C9orf72: variants seen among roughly 807,000 people sequenced by gnomAD.
C9orf72 encodes guanine nucleotide exchange factor C9orf72.
A neutral mutation model predicts 51.6 loss-of-function variants in C9orf72; 44 were observed. That is an observed-to-expected ratio of 0.85 (90% CI 0.67 to 1.10). The LOEUF is 1.10. Ranked by LOEUF, C9orf72 falls within the 50% of genes least tolerant of loss-of-function variation. The pLI is 0.00. For synonymous variants in C9orf72, 213 were observed against 194.2 expected, an observed-to-expected ratio of 1.10 and a Z score of -0.81; for missense variants, 607 against 570.6, an observed-to-expected ratio of 1.06 and a Z score of -0.65.
Position 27,566,810 on chromosome 9 carries a change from T to A in C9orf72, c.311A>T (p.Asn104Ile). Reference protein sequence around the residue: ...IVSLIFDGNWNGDRSTYGLSI... With the variant: ...IVSLIFDGNWIGDRSTYGLSI... ...TAGTCCATATGTGCTGCGATCCCCATTCCAGTTTCCATCAAAGATTAATGA... is the reference window on the plus strand; with the variant it reads ...TAGTCCATATGTGCTGCGATCCCCAATCCAGTTTCCATCAAAGATTAATGA... The change falls in exon 2 of 11, where the codon AAT (asparagine) becomes ATT (isoleucine). Residue 104 changes from asparagine (N) to isoleucine (I), a missense_variant. By Grantham distance (149) the Asn-to-Ile change is moderately radical. Transcript: ENST00000380003. 6.2e-7 allele frequency: 1 copy of A among 1,614,016 alleles called. No homozygotes were observed. The highest frequency in any genetic ancestry group is 1.1e-5 in the South Asian group (1 of 91,074).
intron 9 of C9orf72, among the ~76,000 whole-genome samples, chr9:27,550,133 C>CAT (rs559127338): frequency 1.3e-5 from 2 of 149,518 alleles, no homozygotes; most frequent in Non-Finnish European, 3.0e-5. Context: ...AATATATAAA[C>CAT]ATATATATAT....
chr9:27,562,308 T>A (rs1819368631), intron 4 of C9orf72, 73 bp downstream of exon 4: 2 of 533,282 alleles, frequency 3.8e-6, no homozygotes, highest in South Asian at 1.2e-4. Flanking sequence ...AATTAGAATA[T>A]TAATAATATA....
At chr9:27,555,451 G>A (rs1248409607) in intron 8 of C9orf72, among the ~76,000 whole-genome samples, 1 of 152,028 alleles carries the variant, frequency 6.6e-6, no homozygotes, top group African/African-American at 2.4e-5. Flanking sequence ...TAGATACATA[G>A]GTCAGGCTTA....
At chr9:27,564,153 C>T (rs1293397073) in intron 3 of C9orf72, among the ~76,000 whole-genome samples, 2 of 86,714 alleles carry the variant, frequency 2.3e-5, no homozygotes, top group Non-Finnish European at 4.4e-5. Flanking sequence ...AGCTCAACAA[C>T]ACCAAAAAAA....
At chr9:27,556,426 T>G (rs1819197816) in intron 8 of C9orf72, 135 bp downstream of exon 8, 1 of 627,254 alleles carries the variant, frequency 1.6e-6, no homozygotes, top group Non-Finnish European at 2.8e-6. Context: ...AATGCTTGAT[T>G]AAATGTTTCT....
chr9:27,566,970 GT>G lies in C9orf72; in HGVS notation c.150del (p.Glu50AspfsTer10). ...ATTTCTCCATCACTGAGAAGTACCTGTTCTGTCTTTGGAGCCCAAATGTGCC... is the reference window on the plus strand; with the variant it reads ...ATTTCTCCATCACTGAGAAGTACCTGTCTGTCTTTGGAGCCCAAATGTGCC... The part of the protein sequence containing the change: ...RVRHIWAPKT[E>X]QVLLSDGEIT... On this transcript the variant is annotated frameshift_variant, in exon 2 of 11. Coordinates refer to ENST00000380003, the MANE Select transcript of C9orf72 (RefSeq NM_018325.5). LOFTEE classifies it high-confidence loss of function. 1 of 1,614,118 alleles carries G rather than the reference GT, an allele frequency of 6.2e-7. No homozygotes were observed. The highest frequency in any genetic ancestry group is 8.5e-7 in the Non-Finnish European group (1 of 1,179,958).
intron 1 of C9orf72, among the ~76,000 whole-genome samples, chr9:27,568,065 A>G (rs1363972971): frequency 3.4e-5 from 4 of 117,614 alleles, no homozygotes; most frequent in African/African-American, 1.4e-4. Flanking sequence ...CAACAGAAAT[A>G]CTTTAAAGCC....
chr9:27,569,024 C>G (rs1431093437), intron 1 of C9orf72, among the ~76,000 whole-genome samples: 2 of 151,622 alleles, frequency 1.3e-5, no homozygotes, highest in African/African-American at 4.9e-5. Context: ...GATCCTAATC[C>G]TGTCTATGCC....
intron 7 of C9orf72, among the ~76,000 whole-genome samples, chr9:27,557,765 T>C (rs947482052): frequency 2.6e-5 from 4 of 152,044 alleles, no homozygotes; most frequent in African/African-American, 9.7e-5. Context: ...CAGCACATTA[T>C]TGAAAATGCA....
rs1334402374 is a variant in C9orf72, at chr9:27,548,001, T to C, written c.*235A>G. On this transcript the variant is annotated 3_prime_UTR_variant, in exon 11 of 11. Coordinates refer to ENST00000380003, the MANE Select transcript of C9orf72 (RefSeq NM_018325.5). ...AAAGATAGCAATAATATTTATTATA[T>C]TGTAAACATAGGTCTGTATCCCAAA... 6.2e-6 allele frequency: 2 copies of C among 321,374 alleles called. No individual in the cohort carries two copies. Among genetic ancestry groups the C allele is most frequent in the Non-Finnish European group, 1.1e-5 (2 of 177,994 alleles). 19.9% of individuals were successfully genotyped at this position (321,374 alleles called of 1,614,324 possible).
At position 27,559,324 on chromosome 9, in the gene C9orf72, C is replaced by T. The variant is rs182551786; in HGVS notation, c.739-717G>A. The T allele has an allele frequency of 6.2e-4, 93 of 150,652 alleles. 1 individual carries two copies. Among genetic ancestry groups the T allele is most frequent in the African/African-American group, 2.0e-3 (81 of 41,096 alleles). 9.3% of individuals were successfully genotyped at this position (150,652 alleles called of 1,614,324 possible). On this transcript the variant is annotated intron_variant, in intron 6 of 10. Transcript: ENST00000380003. ...GAGCCTTTCTCCCTTCATAAAGCAG[C>T]TCGGCAGTCACTCTGTGCAACCTAA... is the stretch of plus-strand genomic sequence containing the variant.
intron 1 of C9orf72, among the ~76,000 whole-genome samples, chr9:27,572,979 C>T (rs891273454): frequency 6.6e-6 from 1 of 152,186 alleles, no homozygotes; most frequent in African/African-American, 2.4e-5. Flanking sequence ...CGCATGATCT[C>T]CTCGCCGGCA....
chr9:27,560,121 ATAC>A (rs1300064227), intron 6 of C9orf72, 103 bp downstream of exon 6: 3 of 658,200 alleles, frequency 4.6e-6, no homozygotes, highest in Non-Finnish European at 4.9e-6. Context: ...TTGCCTCCTT[ATAC>A]TACTAGATCA....
Position 27,566,865 on chromosome 9 carries a change from C to A in C9orf72, c.256G>T (p.Val86Phe), listed in dbSNP as rs1023923990. 2 of 1,613,822 alleles carry A rather than the reference C, an allele frequency of 1.2e-6. No individual in the cohort carries two copies. The highest frequency in any genetic ancestry group is 1.7e-6 in the Non-Finnish European group (2 of 1,179,924). Residue 86 changes from valine (V) to phenylalanine (F), a missense_variant, in exon 2 of 11, where the codon GTC becomes TTC. Physicochemically the swap from Val to Phe is conservative, Grantham distance 50. Transcript: ENST00000380003. ...ATAATCACTCCCTTTTCAGACAAGA[C>A]AAAAAACTTTACATCTATAGCACCA... ...ESGAIDVKFFVLSEKGVIIVS... is the reference protein window; with the variant it reads ...ESGAIDVKFFFLSEKGVIIVS...
chr9:27,553,423 T>C (rs1820948471), intron 8 of C9orf72, among the ~76,000 whole-genome samples: 1 of 152,182 alleles, frequency 6.6e-6, no homozygotes, highest in Non-Finnish European at 1.5e-5. Context: ...TACAACCATC[T>C]GATCTTCAAC....
intron 5 of C9orf72, chr9:27,560,595 GTA>G: frequency 1.1e-6 from 1 of 901,538 alleles, no homozygotes; most frequent in Non-Finnish European, 1.4e-6. Flanking sequence ...AAATTGACAT[GTA>G]GAGAGATTAA....
At chr9:27,573,523 C>CGCCACGCCCCGGCCCCGGCCCCG (rs1819643758), upstream of C9orf72, 1 of 142,348 alleles carries the variant, frequency 7.0e-6, no homozygotes, top group Non-Finnish European at 1.6e-5. Context: ...GCCCCGACCA[C>CGCCACGCCCCGGCCCCGGCCCCG]GCCCCGGCCC....
intron 8 of C9orf72, among the ~76,000 whole-genome samples, chr9:27,553,878 T>C (rs12349820): frequency 0.19 from 29,512 of 151,902 alleles, 3,098 homozygotes; most frequent in Non-Finnish European, 0.23. Context: ...CACTACAAAC[T>C]GGGCAAAGGA....
At position 27,562,495 on chromosome 9, in the gene C9orf72, T is replaced by C. The variant is rs757007788; in HGVS notation, c.505-19A>G. ...TCTGACCCTGCACAATAAAGTGACA[T>C]GAAGTGAAGAAAATCACGTAATATG... On this transcript the variant is annotated intron_variant, in intron 3 of 10. Transcript: ENST00000380003. 3.0e-6 allele frequency: 4 copies of C among 1,343,746 alleles called. No homozygotes were observed. The African/African-American group carries it at 4.5e-5, about 15-fold the overall frequency. The allele number at this position is 1,343,746 out of a possible 1,614,324, so 83.2% of individuals were successfully genotyped here. A position where few individuals can be genotyped will look rare whatever the true frequency, so the allele number is the denominator to read the frequency against.
Sources: allele counts gnomAD v4.1 joint callset (sites outside exome capture counted in the v4.1 genomes callset), GRCh38; gene constraint gnomAD v4.1.1; transcripts MANE v1.5; gene names NCBI Gene and HGNC (gene_info 2026-07-23, HGNC 2026-07-21).